The following ZNRF1 variants were observed in gnomAD, a reference collection of about 807,000 sequenced individuals.
ZNRF1 encodes zinc and ring finger 1, also known as E3 ubiquitin-protein ligase ZNRF1.
In ZNRF1, 3 loss-of-function variants were observed where a neutral mutation model predicts 18.4. That is an observed-to-expected ratio of 0.16 (90% CI 0.07 to 0.42). The LOEUF is 0.42. ZNRF1 is among the 10% of genes least tolerant of loss of function. ZNRF1 has a pLI of 0.99. For synonymous variants in ZNRF1, 157 were observed against 144.2 expected, an observed-to-expected ratio of 1.09 and a Z score of -0.64; for missense variants, 310 against 329.8, an observed-to-expected ratio of 0.94 and a Z score of 0.47.
intron 2 of ZNRF1, among the ~76,000 whole-genome samples, chr16:75,098,377 G>A (rs1228764324): frequency 6.6e-6 from 1 of 152,224 alleles, no homozygotes; most frequent in African/African-American, 2.4e-5. Flanking sequence ...TTAGTTGGCT[G>A]CCCCCACTAT....
Position 75,077,415 on chromosome 16 carries a change from C to T in ZNRF1, c.425-16157C>T, listed in dbSNP as rs541318460. ...GGCGTGGTGGTGTATGCCTGTAGTCCCAGCTATTCGGGAGGCCGAGGCAGG... is the reference window on the plus strand; with the variant it reads ...GGCGTGGTGGTGTATGCCTGTAGTCTCAGCTATTCGGGAGGCCGAGGCAGG... On this transcript the variant is annotated intron_variant, in intron 1 of 4. Coordinates refer to ENST00000335325, the MANE Select transcript of ZNRF1 (RefSeq NM_032268.5). Among the ~76,000 whole-genome samples the T allele has an allele frequency of 5.3e-5, 8 of 152,280 alleles. No homozygotes were observed. In the South Asian group the frequency reaches 1.7e-3, roughly 32 times the overall value.
At chr16:75,074,552 T>C (rs2035914805) in intron 1 of ZNRF1, among the ~76,000 whole-genome samples, 1 of 152,198 alleles carries the variant, frequency 6.6e-6, no homozygotes, top group Non-Finnish European at 1.5e-5. Flanking sequence ...CCATATAATT[T>C]ATCATTCAAT....
intron 1 of ZNRF1, among the ~76,000 whole-genome samples, chr16:75,025,057 T>A (rs2035202248): frequency 6.6e-6 from 1 of 152,110 alleles, no homozygotes; most frequent in Admixed American, 6.6e-5. Flanking sequence ...TTTATTATTT[T>A]ATTTAATTAA....
chr16:75,085,791 TGAGAGAGAGA>T (rs71378737), intron 1 of ZNRF1, among the ~76,000 whole-genome samples: 4 of 139,042 alleles, frequency 2.9e-5, no homozygotes, highest in South Asian at 2.3e-4. Flanking sequence ...TCCGACAGAG[TGAGAGAGAGA>T]GAGAGAGAGA....
rs2034820472 is a variant in ZNRF1, at chr16:75,000,037, C to G, written c.366C>G (p.Ala122=). Residue 122 remains alanine, a synonymous_variant, in exon 1 of 5, where the codon GCC becomes GCG. Transcript: ENST00000335325. ...GGATGCTGTACCTGGGCTCCCGAGC[C>G]TCGCTGGCGGATGCTCTACCTCTGC... ...RDGMLYLGSR[A]SLADALPLHI... is the part of the protein sequence containing the mutation. 21 of 1,598,360 alleles carry G rather than the reference C, an allele frequency of 1.3e-5. No individual in the cohort carries two copies. Among genetic ancestry groups the G allele is most frequent in the Non-Finnish European group, 1.7e-5 (20 of 1,173,782 alleles).
chr16:75,038,371 C>G (rs2035400445), intron 1 of ZNRF1, among the ~76,000 whole-genome samples: 1 of 152,152 alleles, frequency 6.6e-6, no homozygotes, highest in South Asian at 2.1e-4. Context: ...CTAGTTGTGA[C>G]TAGCTTGGCT....
intron 1 of ZNRF1, among the ~76,000 whole-genome samples, chr16:75,074,141 C>T (rs748630342): frequency 2.6e-5 from 4 of 152,172 alleles, no homozygotes; most frequent in Non-Finnish European, 5.9e-5. Flanking sequence ...AAACGAGCCA[C>T]AGACTGCTAG....
At chr16:75,081,557 G>C (rs1597900802) in intron 1 of ZNRF1, among the ~76,000 whole-genome samples, 1 of 152,184 alleles carries the variant, frequency 6.6e-6, no homozygotes, top group Non-Finnish European at 1.5e-5. Context: ...AGTGTTCTCT[G>C]GCATTGCCCA....
At chr16:75,083,848 A>C (rs151018707) in intron 1 of ZNRF1, among the ~76,000 whole-genome samples, 4 of 152,306 alleles carry the variant, frequency 2.6e-5, no homozygotes, top group African/African-American at 7.2e-5. Flanking sequence ...GAGATTTGAC[A>C]TACAAGCAGC....
intron 1 of ZNRF1, among the ~76,000 whole-genome samples, chr16:75,036,097 CTCCTCTGCTCA>C (rs970790316): frequency 1.3e-5 from 2 of 152,102 alleles, no homozygotes; most frequent in Non-Finnish European, 2.9e-5. Flanking sequence ...GGGACCTCTC[CTCCTCTGCTCA>C]TGTTTTACTA....
chr16:75,102,330 T>C (rs2036263485), intron 2 of ZNRF1, among the ~76,000 whole-genome samples: 1 of 152,182 alleles, frequency 6.6e-6, no homozygotes, highest in African/African-American at 2.4e-5. Context: ...GTGACTTCCT[T>C]GGGCTTCCGG....
chr16:75,056,683 A>G (rs927693879), intron 1 of ZNRF1, among the ~76,000 whole-genome samples: 5 of 151,682 alleles, frequency 3.3e-5, no homozygotes, highest in Non-Finnish European at 2.9e-5. Flanking sequence ...CTGGAGTGCA[A>G]TGTCATGATC....
At chr16:75,018,384 TTCCTCTTTTGTAA>T (rs1228985815) in intron 1 of ZNRF1, among the ~76,000 whole-genome samples, 3 of 152,208 alleles carry the variant, frequency 2.0e-5, no homozygotes, top group African/African-American at 7.2e-5. Flanking sequence ...ACTGTTTTGT[TTCCTCTTTTGTAA>T]TCCTCTTTTG....
intron 1 of ZNRF1, among the ~76,000 whole-genome samples, chr16:75,074,327 A>C (rs1336370173): frequency 6.6e-6 from 1 of 152,198 alleles, no homozygotes; most frequent in East Asian, 1.9e-4. Context: ...TCCATATGCC[A>C]GCATGTAGCA....
chr16:75,080,625 C>G (rs373671860), intron 1 of ZNRF1, among the ~76,000 whole-genome samples: 1 of 152,112 alleles, frequency 6.6e-6, no homozygotes, highest in Non-Finnish European at 1.5e-5. Flanking sequence ...TGTTTTTCCC[C>G]TTTTCCCCTC....
chr16:75,044,170 A>AC (rs1424523323), intron 1 of ZNRF1, among the ~76,000 whole-genome samples: 20 of 152,060 alleles, frequency 1.3e-4, no homozygotes, highest in African/African-American at 4.8e-4. Flanking sequence ...GGAATTTCTT[A>AC]GAGTGGTTTA....
At chr16:75,014,947 G>A (rs2035048018) in intron 1 of ZNRF1, among the ~76,000 whole-genome samples, 1 of 151,926 alleles carries the variant, frequency 6.6e-6, no homozygotes, top group Non-Finnish European at 1.5e-5. Context: ...TGTTTCTTCT[G>A]TGAAATACTT....
chr16:75,069,664 G>A (rs1396389994), intron 1 of ZNRF1, among the ~76,000 whole-genome samples: 2 of 152,060 alleles, frequency 1.3e-5, no homozygotes, highest in Non-Finnish European at 2.9e-5. Flanking sequence ...CACCCGCCTC[G>A]GCCTCCCAAA....
At chr16:75,074,768 A>T (rs993919632) in intron 1 of ZNRF1, among the ~76,000 whole-genome samples, 1 of 152,118 alleles carries the variant, frequency 6.6e-6, no homozygotes, top group Non-Finnish European at 1.5e-5. Context: ...GAAAATTTCC[A>T]TAATAAAGGT....
Sources: allele counts gnomAD v4.1 joint callset (sites outside exome capture counted in the v4.1 genomes callset), GRCh38; gene constraint gnomAD v4.1.1; transcripts MANE v1.5; gene names NCBI Gene and HGNC (gene_info 2026-07-23, HGNC 2026-07-21).